Variants in CA10 observed in about 807,000 individuals in gnomAD.
CA10 encodes the protein carbonic anhydrase-related protein 10.
Under a neutral mutation model 44.2 loss-of-function variants are expected in CA10, and 14 were observed. The observed-to-expected ratio is 0.32, with a 90% CI of 0.21 to 0.50. The LOEUF is 0.50. CA10 is among the 20% of genes least tolerant of loss of function. The pLI, the probability that CA10 is intolerant of heterozygous loss-of-function variation, is 0.99. For missense variants in CA10, 350 were observed against 409.7 expected, an observed-to-expected ratio of 0.85 and a Z score of 1.26; for synonymous variants, 159 against 141.6, an observed-to-expected ratio of 1.12 and a Z score of -0.87.
chr17:51,974,330 G>A (rs187573635), intron 2 of CA10, among the ~76,000 whole-genome samples: 1 of 149,996 alleles, frequency 6.7e-6, no homozygotes, highest in East Asian at 2.0e-4. Context: ...GTTGCAGTGA[G>A]CCGAGATCAC....
chr17:51,797,385 C>T (rs1906754814), intron 3 of CA10, among the ~76,000 whole-genome samples: 1 of 152,128 alleles, frequency 6.6e-6, no homozygotes, highest in Admixed American at 6.5e-5. Flanking sequence ...CACACCCCGC[C>T]CTCCACTAAC....
At chr17:51,955,977 C>G (rs1216641626) in intron 2 of CA10, among the ~76,000 whole-genome samples, 1 of 152,082 alleles carries the variant, frequency 6.6e-6, no homozygotes, top group Admixed American at 6.6e-5. Context: ...ACATGTGTCC[C>G]AGAACTTAAA....
intron 4 of CA10, among the ~76,000 whole-genome samples, chr17:51,725,435 A>T (rs1429511108): frequency 2.0e-5 from 3 of 152,168 alleles, no homozygotes; most frequent in African/African-American, 7.2e-5. Flanking sequence ...CAGGGAGGGA[A>T]GTGTGTACCA....
chr17:51,647,358 T>A (rs1240012511), intron 6 of CA10, among the ~76,000 whole-genome samples: 2 of 152,156 alleles, frequency 1.3e-5, no homozygotes, highest in Non-Finnish European at 2.9e-5. Flanking sequence ...TCACCGGCCT[T>A]CAGTGCTCTC....
At chr17:52,000,094 C>CAA (rs1474653877) in intron 2 of CA10, among the ~76,000 whole-genome samples, 2 of 152,004 alleles carry the variant, frequency 1.3e-5, no homozygotes, top group Admixed American at 6.6e-5. Flanking sequence ...ACAAAATAGG[C>CAA]AATTTGCATT....
At chr17:51,952,814 T>G (rs975718649) in intron 2 of CA10, among the ~76,000 whole-genome samples, 3 of 152,098 alleles carry the variant, frequency 2.0e-5, no homozygotes, top group Admixed American at 6.5e-5. Context: ...CTGCCTTTAT[T>G]TCATTCTTCC....
At chr17:52,103,730 G>A (rs961274796) in intron 1 of CA10, among the ~76,000 whole-genome samples, 1 of 152,208 alleles carries the variant, frequency 6.6e-6, no homozygotes, top group Non-Finnish European at 1.5e-5. Flanking sequence ...AAAATGAAGG[G>A]TGCAGTTCAT....
At chr17:51,673,886 G>A (rs964578119) in intron 4 of CA10, among the ~76,000 whole-genome samples, 3 of 152,188 alleles carry the variant, frequency 2.0e-5, no homozygotes, top group African/African-American at 4.8e-5. Flanking sequence ...CACATAAGCC[G>A]GCCATGCCAA....
intron 3 of CA10, among the ~76,000 whole-genome samples, chr17:51,750,516 TA>T (rs1010467090): frequency 5.3e-5 from 8 of 152,072 alleles, no homozygotes; most frequent in South Asian, 4.1e-4. Context: ...TTCATTATTG[TA>T]AAAAAAATCT....
chr17:51,995,424 TA>T (rs1021506110), intron 2 of CA10, among the ~76,000 whole-genome samples: 2 of 152,024 alleles, frequency 1.3e-5, no homozygotes, highest in African/African-American at 4.8e-5. Context: ...TAGCATTTTT[TA>T]AAAAAATATG....
chr17:52,092,826 G>A (rs1988303397), intron 1 of CA10, among the ~76,000 whole-genome samples: 1 of 152,022 alleles, frequency 6.6e-6, no homozygotes, highest in South Asian at 2.1e-4. Context: ...TTCTTAAACT[G>A]CTTTTTCCTT....
At chr17:51,653,386 C>T (rs149890357) in intron 5 of CA10, among the ~76,000 whole-genome samples, 305 of 152,272 alleles carry the variant, frequency 2.0e-3, no homozygotes, top group African/African-American at 7.0e-3. Context: ...GATCTAGCCC[C>T]CTTTTTCTTT....
intron 2 of CA10, among the ~76,000 whole-genome samples, chr17:52,015,716 T>A (rs577433679): frequency 3.3e-5 from 5 of 152,192 alleles, no homozygotes; most frequent in Admixed American, 6.5e-5. Flanking sequence ...CACCATTTCT[T>A]CAAGAAATGA....
intron 1 of CA10, among the ~76,000 whole-genome samples, chr17:52,079,281 G>A (rs530009858): frequency 4.1e-4 from 62 of 151,716 alleles, no homozygotes; most frequent in Non-Finnish European, 8.1e-4. Flanking sequence ...GCGAAACTCC[G>A]TCTCAAAAAA....
At chr17:52,127,688 G>C (rs1423943513) in intron 1 of CA10, among the ~76,000 whole-genome samples, 1 of 152,156 alleles carries the variant, frequency 6.6e-6, no homozygotes, top group Non-Finnish European at 1.5e-5. Context: ...GAGGTGAAAG[G>C]ATCTCAGCTG....
At chr17:52,023,248 AT>A (rs1400724232) in intron 2 of CA10, among the ~76,000 whole-genome samples, 1 of 152,140 alleles carries the variant, frequency 6.6e-6, no homozygotes, top group Non-Finnish European at 1.5e-5. Flanking sequence ...TGGTACCAGT[AT>A]AAAAACAGGC....
At chr17:52,017,035 C>T (rs547218756) in intron 2 of CA10, among the ~76,000 whole-genome samples, 18 of 152,274 alleles carry the variant, frequency 1.2e-4, no homozygotes, top group African/African-American at 4.1e-4. Flanking sequence ...ATTCTTGAGG[C>T]TCTCGCTAGA....
At chr17:51,863,062 T>C (rs1167758140) in intron 3 of CA10, among the ~76,000 whole-genome samples, 3 of 152,162 alleles carry the variant, frequency 2.0e-5, no homozygotes, top group Non-Finnish European at 4.4e-5. Context: ...TTGGGTAAAT[T>C]GTATACACCC....
intron 2 of CA10, among the ~76,000 whole-genome samples, chr17:52,016,222 A>G (rs1216804813): frequency 6.6e-6 from 1 of 152,128 alleles, no homozygotes; most frequent in Non-Finnish European, 1.5e-5. Context: ...ATCCTTTCCC[A>G]TAATACAGGC....
Sources: gnomAD v4.1 joint callset for allele counts (sites outside exome capture counted in the v4.1 genomes callset) on GRCh38, gnomAD v4.1.1 for gene constraint, MANE v1.5 for transcripts, NCBI Gene and HGNC (gene_info 2026-07-23, HGNC 2026-07-21) for gene names.